TGFBR2: variants seen among roughly 807,000 people sequenced by gnomAD.
TGFBR2 encodes transforming growth factor beta receptor 2.
A neutral mutation model predicts 49.0 loss-of-function variants in TGFBR2; 18 were observed. The ratio of observed to expected loss-of-function variants is 0.37; its 90% CI spans 0.25 to 0.54. The LOEUF (loss-of-function observed/expected upper bound fraction) is 0.54. Ranked by LOEUF, TGFBR2 falls within the 20% of genes least tolerant of loss-of-function variation. The pLI is 0.85. For missense variants in TGFBR2, 525 were observed against 722.6 expected, an observed-to-expected ratio of 0.73 and a Z score of 3.13; for synonymous variants, 282 against 275.9, an observed-to-expected ratio of 1.02 and a Z score of -0.22.
At chr3:30,632,494 G>A (rs952366989) in intron 1 of TGFBR2, among the ~76,000 whole-genome samples, 1 of 152,118 alleles carries the variant, frequency 6.6e-6, no homozygotes, top group African/African-American at 2.4e-5. Flanking sequence ...AAAGCATCAG[G>A]GCACAGTGGT....
chr3:30,655,349 G>A (rs546064285), intron 3 of TGFBR2, among the ~76,000 whole-genome samples: 210 of 152,274 alleles, frequency 1.4e-3, no homozygotes, highest in Non-Finnish European at 2.6e-3. Flanking sequence ...CACACCACAA[G>A]GTTTTGGAGG....
intron 1 of TGFBR2, among the ~76,000 whole-genome samples, chr3:30,619,660 G>T (rs1698192310): frequency 6.6e-6 from 1 of 152,048 alleles, no homozygotes; most frequent in Non-Finnish European, 1.5e-5. Context: ...TTCCTAGCTT[G>T]TGACCATTCT....
At chr3:30,628,528 GTTTTTTTTTT>G (rs569832149) in intron 1 of TGFBR2, among the ~76,000 whole-genome samples, 8 of 80,200 alleles carry the variant, frequency 1.0e-4, no homozygotes, top group African/African-American at 3.6e-4. Flanking sequence ...AAGCCTGTGG[GTTTTTTTTTT>G]TTTTTTTTTT....
In TGFBR2 at chr3:30,661,448, C is replaced by T. The variant is rs976982683; in HGVS notation, c.455-10190C>T. 2.7e-4 allele frequency: 108 copies of T among 398,876 alleles called. No homozygotes were observed. In the Middle Eastern group the frequency reaches 3.2e-3, roughly 12 times the overall value. 24.7% of individuals were successfully genotyped at this position (398,876 alleles called of 1,614,324 possible). A position where few individuals can be genotyped will look rare whatever the true frequency, so the allele number is the denominator to read the frequency against. On this transcript the variant is annotated intron_variant, in intron 3 of 6. Transcript: ENST00000295754. ...AAGGAGGAACATAAAGGGTGAAAAG[C>T]ACAGTGGAAGGGATGCCTAAAAGAG... is the stretch of plus-strand genomic sequence containing the variant.
rs17026056 is a variant in TGFBR2 at position 30,656,671 on chromosome 3, A to G, written c.454+6211A>G. ...TGCTGCTGGACCACTTCCAGCTCCCAAATGACTGGATCTTGGCCATCTTGC... is the reference window on the plus strand; with the variant it reads ...TGCTGCTGGACCACTTCCAGCTCCCGAATGACTGGATCTTGGCCATCTTGC... On this transcript the variant is annotated intron_variant, in intron 3 of 6. Transcript: ENST00000295754. Among the ~76,000 whole-genome samples the G allele has an allele frequency of 7.6e-3, 1,165 of 152,348 alleles. 15 individuals are homozygous for G. The highest frequency in any genetic ancestry group is 0.026 in the African/African-American group (1,089 of 41,580).
At chr3:30,688,238 AT>A (rs1323153282) in intron 5 of TGFBR2, 145 bp from the exon 6 acceptor site, 7 of 996,326 alleles carry the variant, frequency 7.0e-6, no homozygotes, top group Admixed American at 6.9e-5. Flanking sequence ...CTTAGCCATT[AT>A]TATTAAAATT....
intron 1 of TGFBR2, among the ~76,000 whole-genome samples, chr3:30,637,100 A>G (rs1280377070): frequency 6.6e-6 from 1 of 151,840 alleles, no homozygotes; most frequent in African/African-American, 2.4e-5. Context: ...CAATAACAAC[A>G]AAACAGAAAT....
At chr3:30,617,604 C>T (rs544464018) in intron 1 of TGFBR2, among the ~76,000 whole-genome samples, 1 of 152,232 alleles carries the variant, frequency 6.6e-6, no homozygotes, top group African/African-American at 2.4e-5. Flanking sequence ...TACTTTCTCA[C>T]TTCTTTAGGA....
chr3:30,648,484 A>G (rs1395133803), intron 2 of TGFBR2, among the ~76,000 whole-genome samples: 1 of 144,292 alleles, frequency 6.9e-6, no homozygotes, highest in Admixed American at 7.2e-5. Flanking sequence ...GCAGGGAGGA[A>G]GGTGTTCTTG....
At chr3:30,689,176 T>TC (rs1699672096) in intron 6 of TGFBR2, among the ~76,000 whole-genome samples, 1 of 152,170 alleles carries the variant, frequency 6.6e-6, no homozygotes, top group Admixed American at 6.5e-5. Flanking sequence ...GCTAAGGCTG[T>TC]CCATAGCAGG....
At chr3:30,635,564 T>C (rs1310168351) in intron 1 of TGFBR2, among the ~76,000 whole-genome samples, 1 of 152,232 alleles carries the variant, frequency 6.6e-6, no homozygotes, top group Non-Finnish European at 1.5e-5. Context: ...CCAATTATTT[T>C]TCCGTTCAGC....
chr3:30,691,622 A>G lies in TGFBR2; in HGVS notation c.*23A>G, dbSNP rs760055355. On this transcript the variant is annotated 3_prime_UTR_variant, in exon 7 of 7. Coordinates refer to ENST00000295754, the MANE Select transcript of TGFBR2 (RefSeq NM_003242.6). ...TAGCTCTTCTGGGGCAGGCTGGGCC[A>G]TGTCCAAAGAGGCTGCCCCTCTCAC... 2.5e-6 allele frequency: 4 copies of G among 1,613,874 alleles called. No homozygotes were observed. Among genetic ancestry groups the G allele is most frequent in the East Asian group, 2.2e-5 (1 of 44,860 alleles).
At chr3:30,626,598 T>C (rs929274213) in intron 1 of TGFBR2, 5 of 152,566 alleles carry the variant, frequency 3.3e-5, no homozygotes, top group African/African-American at 9.7e-5. Flanking sequence ...ACACACCATA[T>C]AGAGGCAGTT....
At chr3:30,648,045 G>A (rs554699906) in intron 2 of TGFBR2, among the ~76,000 whole-genome samples, 1 of 152,138 alleles carries the variant, frequency 6.6e-6, no homozygotes, top group Non-Finnish European at 1.5e-5. Context: ...GTGGCTCAGA[G>A]CAAATGTTGC....
chr3:30,690,614 G>C (rs1699693219), intron 6 of TGFBR2, among the ~76,000 whole-genome samples: 2 of 152,160 alleles, frequency 1.3e-5, no homozygotes, highest in Admixed American at 1.3e-4. Flanking sequence ...TCTGACGGGG[G>C]TAATCAGCCC....
chr3:30,634,851 G>C (rs6775211), intron 1 of TGFBR2, among the ~76,000 whole-genome samples: 103,899 of 152,068 alleles, frequency 0.68, 36,393 homozygotes, highest in African/African-American at 0.84. Context: ...ATTATTTTGA[G>C]AGTTCATGAA....
chr3:30,690,779 A>G (rs1699695727), intron 6 of TGFBR2, among the ~76,000 whole-genome samples: 4 of 152,154 alleles, frequency 2.6e-5, no homozygotes, highest in Admixed American at 2.6e-4. Flanking sequence ...GGGCAGAGAA[A>G]CTATTCCGCA....
intron 5 of TGFBR2, among the ~76,000 whole-genome samples, chr3:30,682,540 G>C (rs921000997): frequency 6.6e-6 from 1 of 152,134 alleles, no homozygotes; most frequent in East Asian, 1.9e-4. Context: ...ACAAGAGAGA[G>C]GCCCAAGGTC....
intron 3 of TGFBR2, chr3:30,661,583 C>T (rs749689054): frequency 9.7e-6 from 5 of 516,192 alleles, no homozygotes; most frequent in South Asian, 7.1e-5. Flanking sequence ...CAAAGGAGCA[C>T]TTGTCAAAAC....
Sources: allele counts gnomAD v4.1 joint callset (sites outside exome capture counted in the v4.1 genomes callset), GRCh38; gene constraint gnomAD v4.1.1; transcripts MANE v1.5; gene names NCBI Gene and HGNC (gene_info 2026-07-23, HGNC 2026-07-21).